The following HPCAL1 variants were observed in gnomAD, a reference collection of about 807,000 sequenced individuals.
HPCAL1 encodes the protein hippocalcin like 1, also known as hippocalcin-like protein 1.
HPCAL1 carries 8 observed loss-of-function variants against 17.1 expected under a neutral mutation model. That is an observed-to-expected ratio of 0.47 (90% CI 0.27 to 0.84). The LOEUF (loss-of-function observed/expected upper bound fraction) is 0.84, where lower values mean the gene tolerates loss of function less well. Ranked by LOEUF, HPCAL1 falls within the 40% of genes least tolerant of loss-of-function variation. HPCAL1 has a pLI of 0.13. For synonymous variants in HPCAL1, 112 were observed against 111.4 expected (o/e 1.01, Z -0.03); for missense variants, 165 against 271.1 (o/e 0.61, Z 2.75).
intron 1 of HPCAL1, among the ~76,000 whole-genome samples, chr2:10,370,707 G>A (rs1027688112): frequency 2.4e-4 from 37 of 152,212 alleles, no homozygotes; most frequent in Non-Finnish European, 4.4e-4. Context: ...GGTGTGTTTT[G>A]GAGCCACCCA....
intron 2 of HPCAL1, among the ~76,000 whole-genome samples, chr2:10,402,839 G>C (rs1425920355): frequency 6.6e-6 from 1 of 152,192 alleles, no homozygotes; most frequent in Non-Finnish European, 1.5e-5. Flanking sequence ...GCACAGCACA[G>C]GGTGGACCTT....
chr2:10,413,007 A>G (rs1374056193), intron 2 of HPCAL1, among the ~76,000 whole-genome samples: 1 of 152,196 alleles, frequency 6.6e-6, no homozygotes, highest in Non-Finnish European at 1.5e-5. Flanking sequence ...CTGCCTCCAC[A>G]TTCTTCTGTT....
At chr2:10,345,022 T>C (rs1228066294) in intron 1 of HPCAL1, among the ~76,000 whole-genome samples, 1 of 151,976 alleles carries the variant, frequency 6.6e-6, no homozygotes. Context: ...TCTTTCTGCC[T>C]CTCTCTATGT....
rs1014766705 is a variant in HPCAL1, at chr2:10,397,254, G to C, written c.-25+334G>C. Among the ~76,000 whole-genome samples, 6 of 152,126 alleles carry C rather than the reference G, an allele frequency of 3.9e-5. No individual in the cohort carries two copies. The South Asian group carries it at 1.2e-3, about 31-fold the overall frequency. ...AGGGGAATGAGGGGCCCAGAACTTTGAGAAGGACGTGTGGGTGAGGGCAAG... is the reference window on the plus strand; with the variant it reads ...AGGGGAATGAGGGGCCCAGAACTTTCAGAAGGACGTGTGGGTGAGGGCAAG... On this transcript the variant is annotated intron_variant, in intron 2 of 4. Coordinates refer to ENST00000307845, the MANE Select transcript of HPCAL1 (RefSeq NM_002149.4).
At chr2:10,408,778 C>T (rs1670138202) in intron 2 of HPCAL1, 1 of 152,272 alleles carries the variant, frequency 6.6e-6, no homozygotes, top group Admixed American at 6.5e-5. Context: ...CTCAAGGGCA[C>T]TAAGGAGTGA....
chr2:10,390,687 G>T (rs1668631826), intron 1 of HPCAL1, among the ~76,000 whole-genome samples: 1 of 152,154 alleles, frequency 6.6e-6, no homozygotes, highest in Admixed American at 6.6e-5. Flanking sequence ...TGGGCAAGAG[G>T]TTGGATACTG....
At chr2:10,409,440 G>A (rs1342704536) in intron 2 of HPCAL1, among the ~76,000 whole-genome samples, 2 of 152,162 alleles carry the variant, frequency 1.3e-5, no homozygotes, top group Admixed American at 6.5e-5. Context: ...GAGAACTACC[G>A]GGAAGCTAAG....
chr2:10,408,013 C>A (rs995921344), intron 2 of HPCAL1, among the ~76,000 whole-genome samples: 1 of 152,200 alleles, frequency 6.6e-6, no homozygotes, highest in Non-Finnish European at 1.5e-5. Flanking sequence ...GGCAGGGTGG[C>A]TGAGGCGAGC....
rs563560835 is a variant in HPCAL1 at position 10,419,321 on chromosome 2, G to C, written c.-24-413G>C. ...AACATAATGTGATGCCTGAAAGAGG[G>C]AAGAACTGCCCCAAAGAGTCTGGGA... On this transcript the variant is annotated intron_variant, in intron 2 of 4. Transcript: ENST00000307845. This position sits in a 1 kb window ranked among gnomAD's most constrained non-coding sequence, Gnocchi z 5.0. 6.6e-6 allele frequency among the ~76,000 whole-genome samples: 1 copy of C among 152,156 alleles called. No individual in the cohort carries two copies. Among genetic ancestry groups the C allele is most frequent in the East Asian group, 1.9e-4 (1 of 5,192 alleles).
At chr2:10,381,861 A>G (rs1667959836) in intron 1 of HPCAL1, among the ~76,000 whole-genome samples, 1 of 152,318 alleles carries the variant, frequency 6.6e-6, no homozygotes, top group East Asian at 1.9e-4. Flanking sequence ...CAGTTTGACA[A>G]ATCCTTAGAA....
chr2:10,330,252 A>G lies in HPCAL1; in HGVS notation c.-111+27075A>G, dbSNP rs1348912431. ...AGGTCCCAGTCTAGATGCTTCTGAC[A>G]TGGACAAAAGGAGAATTCCTGACTT... is the stretch of plus-strand genomic sequence containing the variant. On this transcript the variant is annotated intron_variant, in intron 1 of 4. Transcript: ENST00000307845. The surrounding 1 kb of genome is among the most constrained non-coding windows in gnomAD (Gnocchi z 4.2). The G allele has an allele frequency of 6.6e-6, 1 of 152,220 alleles. No individual in the cohort carries two copies. Among genetic ancestry groups the G allele is most frequent in the Non-Finnish European group, 1.5e-5 (1 of 68,054 alleles). The allele number at this position is 152,220 out of a possible 1,614,324, so 9.4% of individuals were successfully genotyped here. A position where few individuals can be genotyped will look rare whatever the true frequency, so the allele number is the denominator to read the frequency against.
intron 1 of HPCAL1, among the ~76,000 whole-genome samples, chr2:10,369,417 A>G (rs536742868): frequency 1.8e-4 from 27 of 152,348 alleles, no homozygotes; most frequent in African/African-American, 6.3e-4. Flanking sequence ...GAATCCATAG[A>G]GGACCTACAG....
At chr2:10,392,588 T>G (rs1668772534) in intron 1 of HPCAL1, among the ~76,000 whole-genome samples, 2 of 152,218 alleles carry the variant, frequency 1.3e-5, no homozygotes, top group Non-Finnish European at 2.9e-5. Flanking sequence ...ACCAAGCATT[T>G]GTTGTGCATT....
At chr2:10,319,609 A>G (rs910795710) in intron 1 of HPCAL1, among the ~76,000 whole-genome samples, 2 of 151,216 alleles carry the variant, frequency 1.3e-5, no homozygotes, top group Admixed American at 1.3e-4. Flanking sequence ...GGGCAGACTA[A>G]TACAGGGACC....
chr2:10,379,645 T>C (rs892059500), intron 1 of HPCAL1, among the ~76,000 whole-genome samples: 1 of 152,172 alleles, frequency 6.6e-6, no homozygotes, highest in African/African-American at 2.4e-5. Context: ...CCATCTGCTT[T>C]ATCAGCCCTG....
rs1664271603 is a variant in HPCAL1, at chr2:10,330,217, C to G, written c.-111+27040C>G. 6.6e-6 allele frequency: 1 copy of G among 152,074 alleles called. No homozygotes were observed. Among genetic ancestry groups the G allele is most frequent in the Admixed American group, 6.6e-5 (1 of 15,258 alleles). 9.4% of individuals were successfully genotyped at this position (152,074 alleles called of 1,614,324 possible). ...CCACAGGGAATGGGGGCTGGTGAGT[C>G]GTGCTCAGAAGGTCCCAGTCTAGAT... On this transcript the variant is annotated intron_variant, in intron 1 of 4. Transcript: ENST00000307845. This position sits in a 1 kb window ranked among gnomAD's most constrained non-coding sequence, Gnocchi z 4.2.
chr2:10,338,704 G>A (rs575947290), intron 1 of HPCAL1, among the ~76,000 whole-genome samples: 2 of 152,294 alleles, frequency 1.3e-5, no homozygotes, highest in African/African-American at 2.4e-5. Context: ...CACCACGTGC[G>A]TGGAGGGTGC....
At chr2:10,333,721 A>T (rs1664533287) in intron 1 of HPCAL1, among the ~76,000 whole-genome samples, 1 of 152,152 alleles carries the variant, frequency 6.6e-6, no homozygotes, top group South Asian at 2.1e-4. Context: ...CAGAGAAAAA[A>T]ATTCCCCCAT....
chr2:10,399,166 C>T (rs1177076489), intron 2 of HPCAL1, among the ~76,000 whole-genome samples: 1 of 149,248 alleles, frequency 6.7e-6, no homozygotes, highest in Non-Finnish European at 1.5e-5. Flanking sequence ...CATCCCCAGA[C>T]CCCTGGGGCA....
Sources: allele counts gnomAD v4.1 joint callset (sites outside exome capture counted in the v4.1 genomes callset), GRCh38; gene constraint gnomAD v4.1.1; non-coding constraint Gnocchi (gnomAD v3.1); transcripts MANE v1.5; gene names NCBI Gene and HGNC (gene_info 2026-07-23, HGNC 2026-07-21).